Variants in HTR1F observed in about 807,000 individuals in gnomAD.
HTR1F encodes 5-hydroxytryptamine receptor 1F.
A neutral mutation model predicts 24.0 loss-of-function variants in HTR1F; 17 were observed. The observed-to-expected ratio is 0.71, with a 90% confidence interval of 0.48 to 1.06. The LOEUF (loss-of-function observed/expected upper bound fraction) is 1.06. HTR1F is among the 50% of genes least tolerant of loss of function. The pLI, the probability that HTR1F is intolerant of heterozygous loss-of-function variation, is 0.00. For synonymous variants in HTR1F, 186 were observed against 156.8 expected (o/e 1.19, Z -1.39); for missense variants, 391 against 427.8 (o/e 0.91, Z 0.76).
At chr3:87,963,492 C>T (rs1365627396) in intron 2 of HTR1F, among the ~76,000 whole-genome samples, 2 of 151,994 alleles carry the variant, frequency 1.3e-5, no homozygotes, top group Non-Finnish European at 2.9e-5. Flanking sequence ...AAAGTGAAGC[C>T]CCACAAGGAA....
intron 2 of HTR1F, among the ~76,000 whole-genome samples, chr3:87,912,966 A>T (rs953130934): frequency 6.6e-6 from 1 of 152,132 alleles, no homozygotes; most frequent in Non-Finnish European, 1.5e-5. Context: ...TTAAATGTAA[A>T]ACCCAAAACT....
chr3:87,978,890 G>GAGGGAGGAAGGAAGGAAGGA (rs1250443484), intron 2 of HTR1F, among the ~76,000 whole-genome samples: 1 of 46,186 alleles, frequency 2.2e-5, no homozygotes, highest in Admixed American at 3.5e-4. Flanking sequence ...GGGAGGGAGG[G>GAGGGAGGAAGGAAGGAAGGA]AGGAAGGAAG....
intron 2 of HTR1F, among the ~76,000 whole-genome samples, chr3:87,939,102 G>A (rs1306593502): frequency 1.3e-5 from 2 of 152,076 alleles, no homozygotes; most frequent in Admixed American, 6.6e-5. Flanking sequence ...CCATCAAAAA[G>A]TGGGCATTTC....
chr3:87,915,671 G>A (rs2107361695), intron 2 of HTR1F, among the ~76,000 whole-genome samples: 1 of 151,988 alleles, frequency 6.6e-6, no homozygotes, highest in East Asian at 1.9e-4. Flanking sequence ...AAAAGAATGA[G>A]AAAATATGAA....
chr3:87,830,938 A>C (rs574971185), intron 2 of HTR1F, among the ~76,000 whole-genome samples: 3 of 152,230 alleles, frequency 2.0e-5, no homozygotes, highest in Admixed American at 6.5e-5. Flanking sequence ...AGTAGAAATT[A>C]GTTTTAAGTA....
chr3:87,819,200 G>A (rs927826264), intron 1 of HTR1F, among the ~76,000 whole-genome samples: 1 of 152,022 alleles, frequency 6.6e-6, no homozygotes, highest in Non-Finnish European at 1.5e-5. Flanking sequence ...GGGATGCATT[G>A]GATACTGCCA....
chr3:87,811,050 C>T (rs1281952068), intron 1 of HTR1F, among the ~76,000 whole-genome samples: 1 of 152,084 alleles, frequency 6.6e-6, no homozygotes, highest in East Asian at 1.9e-4. Context: ...GTAAGTAATC[C>T]TGATTTCAGA....
intron 2 of HTR1F, among the ~76,000 whole-genome samples, chr3:87,925,688 A>G (rs1300139538): frequency 6.6e-6 from 1 of 152,112 alleles, no homozygotes; most frequent in East Asian, 1.9e-4. Flanking sequence ...TAATGCAGCC[A>G]CTTGGACTCC....
At chr3:87,987,752 TG>T (rs1294845576) in intron 2 of HTR1F, among the ~76,000 whole-genome samples, 1 of 138,272 alleles carries the variant, frequency 7.2e-6, no homozygotes, top group Non-Finnish European at 1.5e-5. Context: ...ATAAAATATA[TG>T]TATTATATAT....
intron 2 of HTR1F, among the ~76,000 whole-genome samples, chr3:87,940,034 G>C (rs1326470818): frequency 6.6e-6 from 1 of 152,290 alleles, no homozygotes; most frequent in East Asian, 1.9e-4. Context: ...CACTGCTTTA[G>C]ATGTGTCCCA....
At chr3:87,933,087 A>G (rs1704322531) in intron 2 of HTR1F, among the ~76,000 whole-genome samples, 1 of 151,194 alleles carries the variant, frequency 6.6e-6, no homozygotes, top group Non-Finnish European at 1.5e-5. Flanking sequence ...ATATAAACAG[A>G]ACCAAAGACA....
chr3:87,872,697 A>T (rs1383645229), intron 2 of HTR1F, among the ~76,000 whole-genome samples: 1 of 152,140 alleles, frequency 6.6e-6, no homozygotes, highest in Non-Finnish European at 1.5e-5. Flanking sequence ...AGCCTAGAAG[A>T]AATGGATAAA....
At chr3:87,937,944 G>GAAGA (rs751100226) in intron 2 of HTR1F, among the ~76,000 whole-genome samples, 1 of 144,978 alleles carries the variant, frequency 6.9e-6, no homozygotes, top group Non-Finnish European at 1.5e-5. Context: ...AAAAAAAAAA[G>GAAGA]AAGAAAGAAA....
intron 2 of HTR1F, among the ~76,000 whole-genome samples, chr3:87,963,290 T>G (rs1705099870): frequency 6.6e-6 from 1 of 152,108 alleles, no homozygotes; most frequent in Non-Finnish European, 1.5e-5. Context: ...TGGACAATAA[T>G]CAGAAACAGT....
chr3:87,885,198 C>A lies in HTR1F; in HGVS notation c.-43+63074C>A, dbSNP rs564624592. 5.9e-5 allele frequency among the ~76,000 whole-genome samples: 9 copies of A among 152,188 alleles called. No homozygotes were observed. The South Asian group carries it at 1.9e-3, about 32-fold the overall frequency. On this transcript the variant is annotated intron_variant, in intron 2 of 2. Coordinates refer to ENST00000319595, the MANE Select transcript of HTR1F (RefSeq NM_001322209.2). ...CAGGATTAAGAAACTCACTGAAAACCACACAACTACATGGAAACTGAACAA... is the reference window on the plus strand; with the variant it reads ...CAGGATTAAGAAACTCACTGAAAACAACACAACTACATGGAAACTGAACAA...
chr3:87,944,733 G>A (rs1399794396), intron 2 of HTR1F, among the ~76,000 whole-genome samples: 9 of 152,210 alleles, frequency 5.9e-5, no homozygotes, highest in African/African-American at 1.2e-4. Context: ...GGTGAGGTGT[G>A]CTCACAATGA....
intron 2 of HTR1F, among the ~76,000 whole-genome samples, chr3:87,935,049 G>T (rs555375544): frequency 2.0e-5 from 3 of 152,078 alleles, no homozygotes; most frequent in Admixed American, 2.0e-4. Context: ...TCATTTGTTT[G>T]TAGAAACAAG....
chr3:87,963,785 T>C (rs2919263), intron 2 of HTR1F, among the ~76,000 whole-genome samples: 58,852 of 151,912 alleles, frequency 0.39, 12,935 homozygotes, highest in African/African-American at 0.62. Context: ...TCTGTAAATT[T>C]ATGTCATGGT....
chr3:87,988,573 G>A (rs993285832), intron 2 of HTR1F, among the ~76,000 whole-genome samples: 1 of 152,082 alleles, frequency 6.6e-6, no homozygotes, highest in East Asian at 1.9e-4. Flanking sequence ...TTTTGTTTTG[G>A]TTTGTTGTTG....
Sources: gnomAD v4.1 joint callset for allele counts (sites outside exome capture counted in the v4.1 genomes callset) on GRCh38, gnomAD v4.1.1 for gene constraint, MANE v1.5 for transcripts, NCBI Gene and HGNC (gene_info 2026-07-23, HGNC 2026-07-21) for gene names.